Variants in MAP4K3 observed in about 807,000 individuals in gnomAD.
MAP4K3 encodes MAPK/ERK kinase kinase kinase 3.
MAP4K3 carries 94 observed loss-of-function variants against 143.5 expected under a neutral mutation model. The ratio of observed to expected loss-of-function variants is 0.65; its 90% confidence interval spans 0.55 to 0.78. MAP4K3 has a LOEUF of 0.78. Among genes scored for constraint, MAP4K3 ranks in the 30% least tolerant of loss-of-function variants. The probability of loss-of-function intolerance (pLI) is 0.00; values close to 1 mark genes in which losing one functional copy is unlikely to be tolerated. For synonymous variants in MAP4K3, 416 were observed against 347.2 expected (o/e 1.20, Z -2.20); for missense variants, 1,077 against 1,068.1 (o/e 1.01, Z -0.12).
intron 2 of MAP4K3, among the ~76,000 whole-genome samples, chr2:39,362,522 C>A (rs980069527): frequency 1.3e-5 from 2 of 152,094 alleles, no homozygotes; most frequent in Admixed American, 1.3e-4. Context: ...AGGAGGAAGA[C>A]CTGTACTCTG....
chr2:39,272,720 T>C (rs560534429), intron 24 of MAP4K3, among the ~76,000 whole-genome samples, 178 bp from the exon 25 acceptor site: 1 of 152,270 alleles, frequency 6.6e-6, no homozygotes, highest in South Asian at 2.1e-4. Flanking sequence ...ACATACATAT[T>C]TATGTGAGAG....
chr2:39,354,327 C>G (rs554099867), intron 3 of MAP4K3, among the ~76,000 whole-genome samples: 17 of 152,198 alleles, frequency 1.1e-4, no homozygotes, highest in Admixed American at 2.6e-4. Context: ...GCCTGTAGTC[C>G]CAGCTACTCG....
intron 18 of MAP4K3, among the ~76,000 whole-genome samples, chr2:39,290,556 CAG>C (rs1348817420): frequency 6.6e-6 from 1 of 151,458 alleles, no homozygotes; most frequent in Non-Finnish European, 1.5e-5. Flanking sequence ...TAAGCCAAAA[CAG>C]AAAGTTAAAC....
intron 22 of MAP4K3, 130 bp from the exon 23 acceptor site, chr2:39,280,486 T>C: frequency 2.3e-6 from 1 of 435,092 alleles, no homozygotes; most frequent in East Asian, 3.6e-5. Flanking sequence ...CATCTTCAAA[T>C]TTACAGAAGT....
intron 2 of MAP4K3, among the ~76,000 whole-genome samples, chr2:39,358,999 A>G (rs184167001): frequency 2.2e-4 from 33 of 152,266 alleles, no homozygotes; most frequent in South Asian, 1.9e-3. Context: ...TGTCTTTCCA[A>G]CAGTCCCCCA....
At chr2:39,404,300 G>A (rs1243588434) in intron 1 of MAP4K3, among the ~76,000 whole-genome samples, 4 of 151,682 alleles carry the variant, frequency 2.6e-5, no homozygotes, top group African/African-American at 9.7e-5. Flanking sequence ...CTAGGCCTTG[G>A]CTCTTGGACA....
intron 3 of MAP4K3, among the ~76,000 whole-genome samples, chr2:39,355,388 G>A (rs1465276459): frequency 6.9e-6 from 1 of 144,558 alleles, no homozygotes; most frequent in African/African-American, 2.6e-5. Context: ...AAAAAAGGCT[G>A]GGCATGGTGG....
intron 1 of MAP4K3, among the ~76,000 whole-genome samples, chr2:39,403,406 T>C (rs1205917220): frequency 2.0e-5 from 3 of 152,274 alleles, no homozygotes; most frequent in African/African-American, 4.8e-5. Flanking sequence ...CAATCTTGAA[T>C]TGCCAACGTC....
chr2:39,323,528 A>G (rs183839455), intron 12 of MAP4K3: 47 of 152,342 alleles, frequency 3.1e-4, no homozygotes, highest in African/African-American at 1.0e-3. Flanking sequence ...TCCCTACATC[A>G]TGGTTCAAAT....
chr2:39,325,689 C>A (rs371190791), intron 11 of MAP4K3, 41 bp downstream of exon 11: 2 of 1,558,574 alleles, frequency 1.3e-6, no homozygotes, highest in South Asian at 2.3e-5. Context: ...AACATTTTAT[C>A]TTTTGAAATA....
At chr2:39,292,681 AT>A in intron 18 of MAP4K3, 91 bp downstream of exon 18, 1 of 987,636 alleles carries the variant, frequency 1.0e-6, no homozygotes, top group Non-Finnish European at 1.6e-6. Flanking sequence ...TGTTACTGAT[AT>A]TGAAATTTCC....
At chr2:39,300,576 A>G (rs1349029851) in intron 15 of MAP4K3, among the ~76,000 whole-genome samples, 1 of 152,224 alleles carries the variant, frequency 6.6e-6, no homozygotes, top group African/African-American at 2.4e-5. Context: ...GAGCCACTGT[A>G]ATCTAGGCAC....
At chr2:39,273,490 G>C (rs1435739181) in intron 24 of MAP4K3, among the ~76,000 whole-genome samples, 4 of 151,854 alleles carry the variant, frequency 2.6e-5, no homozygotes, top group African/African-American at 4.8e-5. Flanking sequence ...CTACAACTAA[G>C]TTACTCCAAA....
intron 2 of MAP4K3, among the ~76,000 whole-genome samples, chr2:39,369,365 G>A (rs1037914077): frequency 6.6e-6 from 1 of 151,568 alleles, no homozygotes; most frequent in Admixed American, 6.6e-5. Context: ...CAGGCTGATC[G>A]TGAACTCCTG....
At chr2:39,285,761 T>C (rs1341088006) in intron 21 of MAP4K3, among the ~76,000 whole-genome samples, 3 of 152,142 alleles carry the variant, frequency 2.0e-5, no homozygotes, top group Non-Finnish European at 4.4e-5. Context: ...AATATTAGTA[T>C]ATACAAAAAC....
chr2:39,380,246 A>G (rs1323664828), intron 1 of MAP4K3, among the ~76,000 whole-genome samples: 1 of 152,162 alleles, frequency 6.6e-6, no homozygotes, highest in African/African-American at 2.4e-5. Context: ...CAGACAATTG[A>G]AAGTCCTTAA....
chr2:39,383,642 A>G (rs1216275572), intron 1 of MAP4K3, among the ~76,000 whole-genome samples: 1 of 152,050 alleles, frequency 6.6e-6, no homozygotes, highest in Non-Finnish European at 1.5e-5. Flanking sequence ...TACCAGTACA[A>G]TAAGAGTGCC....
Position 39,437,241 on chromosome 2 carries a change from A to C in MAP4K3, c.-254T>G. The stretch of plus-strand genomic sequence containing the variant: ...TGGTCACACCCACAAGGAGAGGAGA[A>C]CCCTCGCAGCCCCTCGCTCGGGGTG... On this transcript the variant is annotated 5_prime_UTR_variant, in exon 1 of 34. Coordinates refer to ENST00000263881, the MANE Select transcript of MAP4K3 (RefSeq NM_003618.4). 1 of 288,184 alleles carries C rather than the reference A, an allele frequency of 3.5e-6. No individual in the cohort carries two copies. Among genetic ancestry groups the C allele is most frequent in the Non-Finnish European group, 6.4e-6 (1 of 156,426 alleles). 17.9% of individuals were successfully genotyped at this position (288,184 alleles called of 1,614,324 possible).
At chr2:39,436,654 A>C in intron 1 of MAP4K3, 1 of 546,934 alleles carries the variant, frequency 1.8e-6, no homozygotes, top group Non-Finnish European at 3.3e-6. Context: ...GCAAGAAGGG[A>C]GGTGGCAAAA....
Sources: allele counts gnomAD v4.1 joint callset (sites outside exome capture counted in the v4.1 genomes callset), GRCh38; gene constraint gnomAD v4.1.1; transcripts MANE v1.5; gene names NCBI Gene and HGNC (gene_info 2026-07-23, HGNC 2026-07-21).